The following RALA variants were observed in gnomAD, a reference collection of about 807,000 sequenced individuals.
RALA encodes ras-related protein Ral-A.
A neutral mutation model predicts 24.0 loss-of-function variants in RALA; 5 were observed. The observed-to-expected ratio is 0.21, with a 90% CI of 0.11 to 0.44. The LOEUF is 0.44. Among genes scored for constraint, RALA ranks in the 20% least tolerant of loss-of-function variants. RALA has a pLI of 0.99. For missense variants in RALA, 95 were observed against 241.2 expected (o/e 0.39, Z 4.01); for synonymous variants, 77 against 83.8 (o/e 0.92, Z 0.44).
At chr7:39,645,663 A>C (rs1242518554) in intron 1 of RALA, among the ~76,000 whole-genome samples, 1 of 152,264 alleles carries the variant, frequency 6.6e-6, no homozygotes, top group Admixed American at 6.5e-5. Flanking sequence ...ATAAACACCT[A>C]CTATGTGCCA....
At chr7:39,647,719 A>G (rs1791950975) in intron 1 of RALA, among the ~76,000 whole-genome samples, 1 of 152,126 alleles carries the variant, frequency 6.6e-6, no homozygotes, top group African/African-American at 2.4e-5. Context: ...AAAAGACCCC[A>G]AAGAGATCCC....
intron 1 of RALA, among the ~76,000 whole-genome samples, chr7:39,675,030 T>C (rs1792455270): frequency 6.6e-6 from 1 of 152,124 alleles, no homozygotes; most frequent in South Asian, 2.1e-4. Context: ...TTCACCATTT[T>C]GGCCAGGCTG....
intron 1 of RALA, among the ~76,000 whole-genome samples, chr7:39,668,571 G>T (rs1322055125): frequency 6.6e-6 from 1 of 152,088 alleles, no homozygotes; most frequent in African/African-American, 2.4e-5. Flanking sequence ...GGCTGAGGTG[G>T]GTGGATCACC....
At chr7:39,658,612 G>A (rs1792134998) in intron 1 of RALA, among the ~76,000 whole-genome samples, 1 of 152,036 alleles carries the variant, frequency 6.6e-6, no homozygotes, top group African/African-American at 2.4e-5. Context: ...CACACTGTCT[G>A]CATCCTTGAC....
intron 1 of RALA, among the ~76,000 whole-genome samples, chr7:39,666,700 C>T (rs919851920): frequency 2.6e-5 from 4 of 152,088 alleles, no homozygotes; most frequent in Non-Finnish European, 5.9e-5. Flanking sequence ...CTTAGCTGCT[C>T]GCTGTTACTC....
intron 1 of RALA, among the ~76,000 whole-genome samples, chr7:39,631,983 T>C (rs144495564): frequency 0.011 from 1,648 of 152,208 alleles, 36 homozygotes; most frequent in African/African-American, 0.037. Flanking sequence ...GGTGAGCAGG[T>C]GTGACACATG....
rs1038177620 is a variant in RALA, at chr7:39,706,112, T to C, written c.499-11T>C. On this transcript the variant is annotated splice_polypyrimidine_tract_variant and intron_variant, in intron 4 of 4. Coordinates refer to ENST00000005257, the MANE Select transcript of RALA (RefSeq NM_005402.4). ...TGTTTGCTTTATTTATCCTATTTTT[T>C]TTCTTTCTAGGTATTTTTTGATTTA... is the stretch of plus-strand genomic sequence containing the variant. 48 of 1,593,798 alleles carry C rather than the reference T, an allele frequency of 3.0e-5. No homozygotes were observed. The highest frequency in any genetic ancestry group is 3.9e-5 in the Non-Finnish European group (46 of 1,169,428).
At chr7:39,656,118 T>TA in intron 1 of RALA, among the ~76,000 whole-genome samples, 1 of 152,316 alleles carries the variant, frequency 6.6e-6, no homozygotes, top group East Asian at 1.9e-4. Context: ...TCAAAACCCC[T>TA]ATTCAGATAT....
At chr7:39,655,984 T>C (rs1441109956) in intron 1 of RALA, among the ~76,000 whole-genome samples, 2 of 152,244 alleles carry the variant, frequency 1.3e-5, no homozygotes, top group East Asian at 3.8e-4. Context: ...TGAGTTAAAC[T>C]AATTTCACTT....
chr7:39,662,482 A>T (rs1273936935), intron 1 of RALA, among the ~76,000 whole-genome samples: 1 of 152,122 alleles, frequency 6.6e-6, no homozygotes, highest in African/African-American at 2.4e-5. Flanking sequence ...GCTGCTTAGA[A>T]ATTTCTTCCA....
At chr7:39,704,181 A>G (rs898399939) in intron 4 of RALA, among the ~76,000 whole-genome samples, 1 of 148,016 alleles carries the variant, frequency 6.8e-6, no homozygotes, top group African/African-American at 2.5e-5. Flanking sequence ...AAAAAAAAGA[A>G]GTTTAAGATT....
Position 39,706,426 on chromosome 7 carries a change from C to T in RALA, c.*181C>T, listed in dbSNP as rs1410821601. 2 of 586,722 alleles carry T rather than the reference C, an allele frequency of 3.4e-6. No homozygotes were observed. Among genetic ancestry groups the T allele is most frequent in the Non-Finnish European group, 5.7e-6 (2 of 348,816 alleles). The allele number at this position is 586,722 out of a possible 1,614,324, so 36.3% of individuals were successfully genotyped here. The stretch of plus-strand genomic sequence containing the variant: ...TTACTTTAAAAAGAAATTAATATGG[C>T]TTCACCAAGAAGCAAAGTTCAACTT... On this transcript the variant is annotated 3_prime_UTR_variant, in exon 5 of 5. Coordinates refer to ENST00000005257, the MANE Select transcript of RALA (RefSeq NM_005402.4).
At chr7:39,685,941 C>G (rs1169960950) in intron 1 of RALA, among the ~76,000 whole-genome samples, 1 of 152,146 alleles carries the variant, frequency 6.6e-6, no homozygotes, top group African/African-American at 2.4e-5. Context: ...TGCGGTGGCT[C>G]ACGCCTGTAA....
chr7:39,702,851 C>G (rs1350299037), intron 4 of RALA: 1 of 152,010 alleles, frequency 6.6e-6, no homozygotes, highest in Non-Finnish European at 1.5e-5. Context: ...ATACTAGAGG[C>G]TGGAATGGGA....
At chr7:39,679,899 T>C (rs545733352) in intron 1 of RALA, among the ~76,000 whole-genome samples, 210 of 152,202 alleles carry the variant, frequency 1.4e-3, no homozygotes, top group African/African-American at 3.6e-3. Context: ...TTAGTAGATA[T>C]GTGGCTTCAC....
At position 39,706,388 on chromosome 7, in the gene RALA, A is replaced by G. The variant is rs879622627; in HGVS notation, c.*143A>G. The G allele has an allele frequency of 1.4e-5, 12 of 861,666 alleles. No homozygotes were observed. The highest frequency in any genetic ancestry group is 3.5e-5 in the African/African-American group (2 of 56,412). The allele number at this position is 861,666 out of a possible 1,614,324, so 53.4% of individuals were successfully genotyped here. A position where few individuals can be genotyped will look rare whatever the true frequency, so the allele number is the denominator to read the frequency against. Reference sequence around the variant, plus strand: ...ACTAAAAGCATGAATTGGAACTGCAATGAAAGTCAAATTTACTTTAAAAAG... The same window carrying G: ...ACTAAAAGCATGAATTGGAACTGCAGTGAAAGTCAAATTTACTTTAAAAAG... On this transcript the variant is annotated 3_prime_UTR_variant, in exon 5 of 5. Transcript: ENST00000005257.
At chr7:39,686,973 C>A (rs1345910700) in intron 2 of RALA, among the ~76,000 whole-genome samples, 192 bp downstream of exon 2, 1 of 151,932 alleles carries the variant, frequency 6.6e-6, no homozygotes, top group Non-Finnish European at 1.5e-5. Flanking sequence ...CCTTAAAAAC[C>A]TCAGGCTTTA....
intron 1 of RALA, among the ~76,000 whole-genome samples, chr7:39,680,228 G>C (rs182292821): frequency 6.6e-6 from 1 of 151,852 alleles, no homozygotes; most frequent in African/African-American, 2.4e-5. Flanking sequence ...AATTAGCCAG[G>C]TGTGGTGGCA....
intron 1 of RALA, among the ~76,000 whole-genome samples, chr7:39,640,905 T>C (rs927712036): frequency 7.9e-5 from 12 of 152,190 alleles, no homozygotes; most frequent in African/African-American, 2.7e-4. Context: ...TTTCCTCTCT[T>C]CTTCTACTTC....
Sources: gnomAD v4.1 joint callset for allele counts (sites outside exome capture counted in the v4.1 genomes callset) on GRCh38, gnomAD v4.1.1 for gene constraint, MANE v1.5 for transcripts, NCBI Gene and HGNC (gene_info 2026-07-23, HGNC 2026-07-21) for gene names.